The following NUP98 variants were observed in gnomAD, a reference collection of about 807,000 sequenced individuals.
NUP98 encodes nuclear pore complex protein Nup98-Nup96.
Under a neutral mutation model 191.9 loss-of-function variants are expected in NUP98, and 26 were observed. The observed-to-expected ratio is 0.14, with a 90% confidence interval of 0.10 to 0.19. The LOEUF (loss-of-function observed/expected upper bound fraction) is 0.19. Among genes scored for constraint, NUP98 ranks in the 10% least tolerant of loss-of-function variants. NUP98 has a pLI of 1.00. For missense variants in NUP98, 1,941 were observed against 2,178.8 expected (o/e 0.89, Z 2.17); for synonymous variants, 808 against 778.4 (o/e 1.04, Z -0.63).
chr11:3,759,069 C>A (rs2081075217), intron 10 of NUP98, among the ~76,000 whole-genome samples: 1 of 152,250 alleles, frequency 6.6e-6, no homozygotes, highest in East Asian at 1.9e-4. Flanking sequence ...TTCTCCAGTA[C>A]AGGATCGTTC....
Position 3,771,731 on chromosome 11 carries a change from T to C in NUP98, c.784+17A>G, listed in dbSNP as rs2081538433. On this transcript the variant is annotated intron_variant, in intron 7 of 32. Coordinates refer to ENST00000324932, the MANE Select transcript of NUP98 (RefSeq NM_016320.5). ...TGTCTCTCCTCAGTATAATCTAACA[T>C]GATATCAAGTGCTTACTAGTTCCAA... 6.2e-7 allele frequency: 1 copy of C among 1,609,392 alleles called. No homozygotes were observed. The highest frequency in any genetic ancestry group is 1.3e-5 in the African/African-American group (1 of 74,948).
intron 16 of NUP98, among the ~76,000 whole-genome samples, chr11:3,722,246 G>A (rs529760955): frequency 1.6e-4 from 24 of 150,986 alleles, no homozygotes; most frequent in Middle Eastern, 3.5e-3. Context: ...CGTAGTAGCT[G>A]CAACTACAGG....
chr11:3,678,171 A>C (rs1395331751), intron 31 of NUP98, among the ~76,000 whole-genome samples: 2 of 152,044 alleles, frequency 1.3e-5, no homozygotes, highest in Non-Finnish European at 2.9e-5. Flanking sequence ...AGTACATGAA[A>C]GGTACTATGT....
At chr11:3,791,551 A>G (rs1334148188) in intron 1 of NUP98, among the ~76,000 whole-genome samples, 12 of 149,800 alleles carry the variant, frequency 8.0e-5, no homozygotes, top group Non-Finnish European at 1.8e-4. Context: ...AAAAAAAAAA[A>G]AAAAAAAGAA....
At chr11:3,784,935 G>C (rs1014319656) in intron 1 of NUP98, among the ~76,000 whole-genome samples, 2 of 151,968 alleles carry the variant, frequency 1.3e-5, no homozygotes, top group East Asian at 1.9e-4. Flanking sequence ...CCAGGAGTTC[G>C]AGACCAGCCT....
At chr11:3,681,297 T>TCC (rs2077976737) in intron 30 of NUP98, among the ~76,000 whole-genome samples, 1 of 152,100 alleles carries the variant, frequency 6.6e-6, no homozygotes. Flanking sequence ...CGCTTTGGCC[T>TCC]CCCAAAGTAC....
rs543863330 is a variant in NUP98 at position 3,788,329 on chromosome 11, G to A, written c.-28-6184C>T. 3.9e-5 allele frequency among the ~76,000 whole-genome samples: 6 copies of A among 152,216 alleles called. No individual in the cohort carries two copies. In the East Asian group the frequency reaches 7.7e-4, roughly 20 times the overall value. ...ATTTAAAACTGTCACTCGGCTAGGC[G>A]CGGTGGCTCACACCTGCAATCCCAA... is the stretch of plus-strand genomic sequence containing the variant. On this transcript the variant is annotated intron_variant, in intron 1 of 32. Coordinates refer to ENST00000324932, the MANE Select transcript of NUP98 (RefSeq NM_016320.5).
rs1250149107 is a variant in NUP98, at chr11:3,771,854, G to A, written c.678C>T (p.Gly226=). The A allele has an allele frequency of 1.9e-6, 3 of 1,614,140 alleles. No individual in the cohort carries two copies. Among genetic ancestry groups the A allele is most frequent in the Non-Finnish European group, 8.5e-7 (1 of 1,180,008 alleles). ...QNQVGAGTTT[G]LFGSSPATSS... ...AAGTGGCTGGAGAAGACCCAAACAA[G>A]CCAGTTGTGGTACCTGCTCCCACCT... The change falls in exon 7 of 33, where the codon GGC becomes GGT. Residue 226 remains glycine, a synonymous_variant. Coordinates refer to ENST00000324932, the MANE Select transcript of NUP98 (RefSeq NM_016320.5).
At chr11:3,687,543 T>G (rs981672970) in intron 28 of NUP98, among the ~76,000 whole-genome samples, 10 of 152,204 alleles carry the variant, frequency 6.6e-5, no homozygotes, top group Non-Finnish European at 4.4e-5. Context: ...TGTAATCCAT[T>G]ATGAGCTGGA....
At chr11:3,735,134 C>A in intron 13 of NUP98, 57 bp downstream of exon 13, 1 of 1,465,890 alleles carries the variant, frequency 6.8e-7, no homozygotes, top group Non-Finnish European at 9.1e-7. Context: ...TTACATTCTG[C>A]ACATTCAGTT....
chr11:3,740,117 C>T (rs972198491), intron 12 of NUP98, among the ~76,000 whole-genome samples: 2 of 152,130 alleles, frequency 1.3e-5, no homozygotes, highest in African/African-American at 4.8e-5. Context: ...CTAGTATGAT[C>T]AAATGACGCG....
chr11:3,738,107 A>AAAAAAAAAAACAAAAAAAAACC (rs1554894745), intron 12 of NUP98, among the ~76,000 whole-genome samples: 1 of 147,570 alleles, frequency 6.8e-6, no homozygotes, highest in African/African-American at 2.4e-5. Flanking sequence ...AAAAAAAAAA[A>AAAAAAAAAAACAAAAAAAAACC]CCAAAGACTT....
chr11:3,769,743 G>A (rs1371371708), intron 7 of NUP98, among the ~76,000 whole-genome samples: 1 of 151,080 alleles, frequency 6.6e-6, no homozygotes, highest in Non-Finnish European at 1.5e-5. Flanking sequence ...CCCCGTCCCT[G>A]CTAAAAATTA....
At chr11:3,774,785 C>T (rs1589941801) in intron 5 of NUP98, among the ~76,000 whole-genome samples, 2 of 152,072 alleles carry the variant, frequency 1.3e-5, no homozygotes, top group Admixed American at 6.6e-5. Flanking sequence ...GTAAAACTAA[C>T]GATTCCTGCT....
chr11:3,733,869 A>G (rs956767589), intron 13 of NUP98, among the ~76,000 whole-genome samples: 3 of 152,216 alleles, frequency 2.0e-5, no homozygotes, highest in Non-Finnish European at 2.9e-5. Flanking sequence ...TTGTATCCTC[A>G]GCACTTAACA....
At chr11:3,695,722 T>C (rs1252049859) in intron 25 of NUP98, 116 bp from the exon 26 acceptor site, 1 of 730,564 alleles carries the variant, frequency 1.4e-6, no homozygotes, top group Non-Finnish European at 2.0e-6. Flanking sequence ...TTAACATTGT[T>C]AACTGCTTTC....
At position 3,776,508 on chromosome 11, in the gene NUP98, G is replaced by T. The variant is rs184121745; in HGVS notation, c.356-487C>A. 4.0e-3 allele frequency among the ~76,000 whole-genome samples: 595 copies of T among 148,826 alleles called. 2 individuals are homozygous for T. The highest frequency in any genetic ancestry group is 0.014 in the African/African-American group (558 of 40,264). ...TTTCTTTTTTTTTTTTTTTGAGACG[G>T]AGTCTCGCTGTGTAGCCCAGGCTGG... On this transcript the variant is annotated intron_variant, in intron 4 of 32. Coordinates refer to ENST00000324932, the MANE Select transcript of NUP98 (RefSeq NM_016320.5).
rs1231835056 is a variant in NUP98 at position 3,689,321 on chromosome 11, T to A, written c.4454+2026A>T. ...GTGGGCAGATCACGAGGTCAGGAGATCGAGACCATCTTGGCTAACACGGTG... is the reference window on the plus strand; with the variant it reads ...GTGGGCAGATCACGAGGTCAGGAGAACGAGACCATCTTGGCTAACACGGTG... On this transcript the variant is annotated intron_variant, in intron 28 of 32. Transcript: ENST00000324932. Among the ~76,000 whole-genome samples the A allele has an allele frequency of 2.6e-5, 4 of 151,980 alleles. 1 individual carries two copies. The highest frequency in any genetic ancestry group is 9.7e-5 in the African/African-American group (4 of 41,390).
At chr11:3,778,023 C>T (rs2081809378) in intron 4 of NUP98, among the ~76,000 whole-genome samples, 1 of 151,340 alleles carries the variant, frequency 6.6e-6, no homozygotes, top group Non-Finnish European at 1.5e-5. Flanking sequence ...ATGGTGAAAC[C>T]CCGTCTCTAC....
Sources: allele counts gnomAD v4.1 joint callset (sites outside exome capture counted in the v4.1 genomes callset), GRCh38; gene constraint gnomAD v4.1.1; transcripts MANE v1.5; gene names NCBI Gene and HGNC (gene_info 2026-07-23, HGNC 2026-07-21).